The following TACR3 variants were observed in gnomAD, a reference collection of about 807,000 sequenced individuals.
The protein encoded by TACR3 is neuromedin-K receptor.
In TACR3, 34 loss-of-function variants were observed where a neutral mutation model predicts 35.0. The observed-to-expected ratio is 0.97, with a 90% confidence interval of 0.74 to 1.30. The LOEUF (loss-of-function observed/expected upper bound fraction) is 1.30, where lower values mean the gene tolerates loss of function less well. TACR3 is among the 50% of genes most tolerant of loss of function. The pLI is 0.00. For missense variants in TACR3, 558 were observed against 591.7 expected (o/e 0.94, Z 0.59); for synonymous variants, 233 against 221.1 (o/e 1.05, Z -0.48).
chr4:103,627,352 TA>T lies in TACR3; in HGVS notation c.888+28841del, dbSNP rs869215834. Among the ~76,000 whole-genome samples, 621 of 82,464 alleles carry T rather than the reference TA, an allele frequency of 7.5e-3. 1 individual carries two copies. The highest frequency in any genetic ancestry group is 0.016 in the South Asian group (41 of 2,612). The allele number at this position is 82,464 out of a possible 152,430, so 54.1% of individuals were successfully genotyped here. ...CAACATGGTGAAACTGTGTTTCCATTAAAAAAAAAAAAAAAAAAAAAAAAAG... is the reference window on the plus strand; with the variant it reads ...CAACATGGTGAAACTGTGTTTCCATTAAAAAAAAAAAAAAAAAAAAAAAAG... On this transcript the variant is annotated intron_variant, in intron 3 of 4. Transcript: ENST00000304883.
intron 3 of TACR3, among the ~76,000 whole-genome samples, chr4:103,597,396 G>A (rs1052940826): frequency 6.6e-6 from 1 of 151,964 alleles, no homozygotes; most frequent in Non-Finnish European, 1.5e-5. Context: ...TGGTCAGCTT[G>A]GTGTGACAAA....
chr4:103,681,000 T>C (rs186474401), intron 1 of TACR3, among the ~76,000 whole-genome samples: 113 of 152,130 alleles, frequency 7.4e-4, no homozygotes, highest in African/African-American at 2.5e-3. Context: ...TATATTTTTT[T>C]TCTATTTTAA....
chr4:103,669,938 T>C (rs564944943), intron 1 of TACR3, among the ~76,000 whole-genome samples: 27 of 152,200 alleles, frequency 1.8e-4, no homozygotes, highest in African/African-American at 6.5e-4. Context: ...TAATGGTAGT[T>C]TCATAATTTA....
At position 103,635,510 on chromosome 4, in the gene TACR3, T is replaced by G. The variant is rs530303868; in HGVS notation, c.888+20684A>C. On this transcript the variant is annotated intron_variant, in intron 3 of 4. Transcript: ENST00000304883. ...TGAAGGATTCTTCTAAGCCTTCCCA[T>G]GCTTAATATAAAGTGGGTTGCTTTG... Among the ~76,000 whole-genome samples the G allele has an allele frequency of 4.6e-5, 7 of 152,074 alleles. No individual in the cohort carries two copies. In the East Asian group the frequency reaches 1.2e-3, roughly 25 times the overall value.
rs747312740 is a variant in TACR3 at position 103,719,240 on chromosome 4, C to T, written c.436G>A (p.Ala146Thr). The change falls in exon 1 of 5, where the codon GCG becomes ACG. Residue 146 changes from alanine (A) to threonine (T), a missense_variant. Coordinates refer to ENST00000304883, the MANE Select transcript of TACR3 (RefSeq NM_001059.3). ...CCAAAGTACCACTCGCTATGAAGCGCGTAGATGAAATTGACCAACGTGTTG... is the reference window on the plus strand; with the variant it reads ...CCAAAGTACCACTCGCTATGAAGCGTGTAGATGAAATTGACCAACGTGTTG... ...AFNTLVNFIYALHSEWYFGAN... is the reference protein window; with the variant it reads ...AFNTLVNFIYTLHSEWYFGAN... The T allele has an allele frequency of 6.2e-7, 1 of 1,614,176 alleles. No individual in the cohort carries two copies. Among genetic ancestry groups the T allele is most frequent in the Non-Finnish European group, 8.5e-7 (1 of 1,180,034 alleles).
At chr4:103,673,272 G>C (rs757246599) in intron 1 of TACR3, among the ~76,000 whole-genome samples, 1 of 152,098 alleles carries the variant, frequency 6.6e-6, no homozygotes. Context: ...CTAGCTTTCA[G>C]CCTGTGTTGG....
At chr4:103,693,963 C>T (rs927110395) in intron 1 of TACR3, among the ~76,000 whole-genome samples, 2 of 151,968 alleles carry the variant, frequency 1.3e-5, no homozygotes, top group South Asian at 2.1e-4. Context: ...TTCCAAATTT[C>T]GTATTTTGGG....
At chr4:103,702,444 C>G (rs901938543) in intron 1 of TACR3, among the ~76,000 whole-genome samples, 1 of 152,286 alleles carries the variant, frequency 6.6e-6, no homozygotes, top group South Asian at 2.1e-4. Flanking sequence ...CACTTTTACA[C>G]TGTTGGTGGG....
At chr4:103,591,776 A>G in intron 3 of TACR3, 93 bp from the exon 4 acceptor site, 1 of 1,173,170 alleles carries the variant, frequency 8.5e-7, no homozygotes, top group Non-Finnish European at 1.2e-6. Context: ...AATACAGTTA[A>G]ATACACATCA....
At chr4:103,680,381 GT>G (rs1427396471) in intron 1 of TACR3, among the ~76,000 whole-genome samples, 1 of 150,830 alleles carries the variant, frequency 6.6e-6, no homozygotes, top group African/African-American at 2.4e-5. Flanking sequence ...AGCAGACCTA[GT>G]AAAAATCAAA....
chr4:103,700,579 C>T (rs55841267), intron 1 of TACR3, among the ~76,000 whole-genome samples: 5,074 of 152,196 alleles, frequency 0.033, 274 homozygotes, highest in African/African-American at 0.12. Flanking sequence ...TCTCCTTATA[C>T]AATTCTGGGG....
At chr4:103,610,774 A>T (rs535816164) in intron 3 of TACR3, among the ~76,000 whole-genome samples, 1 of 152,228 alleles carries the variant, frequency 6.6e-6, no homozygotes, top group Admixed American at 6.5e-5. Context: ...TTACATTTAT[A>T]TCTTTAATCC....
intron 1 of TACR3, among the ~76,000 whole-genome samples, chr4:103,660,623 TATC>T (rs1160179611): frequency 6.6e-6 from 1 of 151,992 alleles, no homozygotes; most frequent in Non-Finnish European, 1.5e-5. Flanking sequence ...ATTGTGGCGA[TATC>T]ATGTTTTTCC....
chr4:103,662,735 G>A (rs1725858660), intron 1 of TACR3, among the ~76,000 whole-genome samples: 1 of 152,148 alleles, frequency 6.6e-6, no homozygotes. Context: ...GTTATGTGAA[G>A]ACAGAAGATT....
At chr4:103,658,804 G>T (rs1307049950) in intron 1 of TACR3, among the ~76,000 whole-genome samples, 1 of 152,110 alleles carries the variant, frequency 6.6e-6, no homozygotes, top group Admixed American at 6.6e-5. Flanking sequence ...GAGCGATGGT[G>T]TGGGGATGAT....
intron 3 of TACR3, among the ~76,000 whole-genome samples, chr4:103,615,004 C>T (rs1236326249): frequency 6.8e-6 from 1 of 148,008 alleles, no homozygotes; most frequent in African/African-American, 2.5e-5. Context: ...ATGCCATTCT[C>T]CTGCCTCAGC....
intron 3 of TACR3, among the ~76,000 whole-genome samples, chr4:103,634,336 T>C (rs1158590431): frequency 2.0e-5 from 3 of 152,098 alleles, no homozygotes; most frequent in Non-Finnish European, 4.4e-5. Context: ...ATGATTTTTC[T>C]CTTCTCGTCT....
At chr4:103,622,001 G>GTTGT (rs887695758) in intron 3 of TACR3, among the ~76,000 whole-genome samples, 49 of 152,248 alleles carry the variant, frequency 3.2e-4, no homozygotes, top group Admixed American at 9.8e-4. Flanking sequence ...CATTTAAGTG[G>GTTGT]TTGTTAGAAG....
chr4:103,612,916 A>G (rs1290726224), intron 3 of TACR3, among the ~76,000 whole-genome samples: 1 of 152,218 alleles, frequency 6.6e-6, no homozygotes, highest in East Asian at 1.9e-4. Context: ...ATATAAATAG[A>G]TGAATGGTAC....
Sources: allele counts gnomAD v4.1 joint callset (sites outside exome capture counted in the v4.1 genomes callset), GRCh38; gene constraint gnomAD v4.1.1; transcripts MANE v1.5; gene names NCBI Gene and HGNC (gene_info 2026-07-23, HGNC 2026-07-21).